Variants in DTNA observed in about 807,000 individuals in gnomAD.
The protein encoded by DTNA is dystrobrevin alpha, also known as dystrophin-related protein 3.
Under a neutral mutation model 100.7 loss-of-function variants are expected in DTNA, and 43 were observed. The ratio of observed to expected loss-of-function variants is 0.43; its 90% CI spans 0.33 to 0.55. The LOEUF is 0.55. Among genes scored for constraint, DTNA ranks in the 20% least tolerant of loss-of-function variants. DTNA has a pLI of 0.04. For missense variants in DTNA, 798 were observed against 953.9 expected (o/e 0.84, Z 2.15); for synonymous variants, 349 against 347.9 (o/e 1.00, Z -0.04).
rs28407411 is a variant in DTNA, at chr18:34,644,175, C to T, written c.-1-111801C>T. On this transcript the variant is annotated intron_variant, in intron 1 of 19. Transcript: ENST00000283365. The stretch of plus-strand genomic sequence containing the variant: ...ATATCCTTTTATTGTCCTATTCACC[C>T]TCTAGTGGAATTCTTAGTAAGTAGT... 5.2e-3 allele frequency among the ~76,000 whole-genome samples: 787 copies of T among 152,216 alleles called. 8 individuals are homozygous for T. The highest frequency in any genetic ancestry group is 0.018 in the African/African-American group (748 of 41,542).
At chr18:34,761,554 C>A (rs948933603) in intron 2 of DTNA, among the ~76,000 whole-genome samples, 2 of 151,978 alleles carry the variant, frequency 1.3e-5, no homozygotes, top group Admixed American at 6.6e-5. Flanking sequence ...GAAAGAGAAT[C>A]TTTTCAAAAA....
intron 1 of DTNA, chr18:34,679,528 A>G (rs902439511): frequency 6.6e-6 from 1 of 152,212 alleles, no homozygotes; most frequent in African/African-American, 2.4e-5. Flanking sequence ...TGCCATAATC[A>G]ACTGCCATTT....
intron 1 of DTNA, among the ~76,000 whole-genome samples, chr18:34,699,561 C>G (rs1285157542): frequency 1.3e-5 from 2 of 152,164 alleles, no homozygotes; most frequent in Non-Finnish European, 2.9e-5. Context: ...GTCAGGTTGA[C>G]ACATAAAATT....
chr18:34,714,713 A>T lies in DTNA; in HGVS notation c.-2+4268A>T, dbSNP rs185014683. Among the ~76,000 whole-genome samples the T allele has an allele frequency of 4.3e-3, 661 of 152,232 alleles. 2 individuals carry two copies. Among genetic ancestry groups the T allele is most frequent in the Non-Finnish European group, 6.5e-3 (441 of 68,028 alleles). ...GATCTAGAACTAGAAATACCATTTG[A>T]CCCAGCCACCCATAAATCATGCTGC... On this transcript the variant is annotated intron_variant, in intron 1 of 22. Transcript: ENST00000444659.
intron 1 of DTNA, among the ~76,000 whole-genome samples, chr18:34,630,065 G>C (rs1005303740): frequency 2.0e-5 from 3 of 152,086 alleles, no homozygotes; most frequent in African/African-American, 4.8e-5. Context: ...CTCTTTTTGG[G>C]ATATATGGTG....
At chr18:34,508,826 A>AT (rs1268919628) in intron 1 of DTNA, among the ~76,000 whole-genome samples, 1 of 152,126 alleles carries the variant, frequency 6.6e-6, no homozygotes, top group African/African-American at 2.4e-5. Flanking sequence ...TTTAAGCTGA[A>AT]TTTTTTAGTT....
At chr18:34,809,661 G>T (rs1292900937) in intron 5 of DTNA, among the ~76,000 whole-genome samples, 1 of 152,128 alleles carries the variant, frequency 6.6e-6, no homozygotes, top group Non-Finnish European at 1.5e-5. Flanking sequence ...TGTGCATAGG[G>T]TTGAGAGATA....
chr18:34,762,104 A>G (rs1389338380), intron 2 of DTNA, among the ~76,000 whole-genome samples: 1 of 152,230 alleles, frequency 6.6e-6, no homozygotes, highest in Non-Finnish European at 1.5e-5. Context: ...TCAACATACT[A>G]AAAGCAAAGA....
At chr18:34,495,773 A>C (rs1427945260) in intron 1 of DTNA, among the ~76,000 whole-genome samples, 1 of 152,188 alleles carries the variant, frequency 6.6e-6, no homozygotes, top group Non-Finnish European at 1.5e-5. Flanking sequence ...AAGTTGAAAT[A>C]CTTTTAAAAT....
At chr18:34,507,147 C>T (rs528349779) in intron 1 of DTNA, among the ~76,000 whole-genome samples, 452 of 152,248 alleles carry the variant, frequency 3.0e-3, no homozygotes, top group South Asian at 6.0e-3. Context: ...TCAATTCTCT[C>T]TCCCCTCCTG....
At chr18:34,585,170 G>C (rs548640367) in intron 1 of DTNA, among the ~76,000 whole-genome samples, 2 of 152,000 alleles carry the variant, frequency 1.3e-5, no homozygotes, top group African/African-American at 4.8e-5. Context: ...TCAGGGAACG[G>C]GACCCAAACT....
Position 34,864,024 on chromosome 18 carries a change from C to T in DTNA, c.1705C>T (p.Leu569=). The change falls in exon 17 of 23, where the codon CTA becomes TTA. Residue 569 remains leucine, a synonymous_variant. Transcript: ENST00000444659. Reference sequence around the variant, plus strand: ...TGCTCTCCAGGAGAGCCGGAGAGAGCTAATGGTCCAGTTGGAGGGTCTCAT... The same window carrying T: ...TGCTCTCCAGGAGAGCCGGAGAGAGTTAATGGTCCAGTTGGAGGGTCTCAT... The part of the protein sequence containing the change: ...MSALQESRRE[L]MVQLEGLMKL... 1 of 1,612,164 alleles carries T rather than the reference C, an allele frequency of 6.2e-7. No individual in the cohort carries two copies. The highest frequency in any genetic ancestry group is 8.5e-7 in the Non-Finnish European group (1 of 1,179,264).
chr18:34,713,687 G>A (rs1043767467), intron 1 of DTNA, among the ~76,000 whole-genome samples: 7 of 151,932 alleles, frequency 4.6e-5, no homozygotes, highest in African/African-American at 1.7e-4. Context: ...TTGGTAGCTT[G>A]ATGGGGATGG....
chr18:34,677,691 T>A (rs543889443), intron 1 of DTNA, among the ~76,000 whole-genome samples: 31 of 152,124 alleles, frequency 2.0e-4, no homozygotes, highest in Admixed American at 3.9e-4. Flanking sequence ...AATTTTTTTT[T>A]AAAAAAGCAT....
chr18:34,765,662 A>G (rs1251028136), intron 2 of DTNA, among the ~76,000 whole-genome samples: 1 of 152,216 alleles, frequency 6.6e-6, no homozygotes, highest in Non-Finnish European at 1.5e-5. Flanking sequence ...TCACAGCTTG[A>G]GCAGACTGTT....
chr18:34,886,672 C>T (rs1302571428), intron 22 of DTNA, among the ~76,000 whole-genome samples: 1 of 152,146 alleles, frequency 6.6e-6, no homozygotes, highest in Non-Finnish European at 1.5e-5. Context: ...TCTTTGGTTG[C>T]AAATTTGGCA....
chr18:34,767,068 C>T lies in DTNA; in HGVS notation c.148+1027C>T, dbSNP rs565000253. ...TTGATTCATAGTTCATGTGTAAGAA[C>T]GTTTTCTTTTCTTTTTAAAAAGTTT... On this transcript the variant is annotated intron_variant, in intron 3 of 22. Transcript: ENST00000444659. Among the ~76,000 whole-genome samples the T allele has an allele frequency of 2.8e-4, 42 of 152,042 alleles. No homozygotes were observed. The South Asian group carries it at 5.2e-3, about 19-fold the overall frequency.
chr18:34,870,495 C>T (rs899102548), intron 17 of DTNA, among the ~76,000 whole-genome samples: 1 of 152,080 alleles, frequency 6.6e-6, no homozygotes, highest in Non-Finnish European at 1.5e-5. Context: ...TAAAGATGAT[C>T]GTCTAGTGTT....
chr18:34,782,257 T>A (rs1413235984), intron 3 of DTNA, among the ~76,000 whole-genome samples: 3 of 152,206 alleles, frequency 2.0e-5, no homozygotes, highest in African/African-American at 7.2e-5. Flanking sequence ...GCCCTCAAGA[T>A]GCTAGCACGT....
Sources: gnomAD v4.1 joint callset for allele counts (sites outside exome capture counted in the v4.1 genomes callset) on GRCh38, gnomAD v4.1.1 for gene constraint, MANE v1.5 for transcripts, NCBI Gene and HGNC (gene_info 2026-07-23, HGNC 2026-07-21) for gene names.